Variants in NAALADL2 observed in about 807,000 individuals in gnomAD.
The protein encoded by NAALADL2 is N-acetylated alpha-linked acidic dipeptidase like 2, also known as inactive N-acetylated-alpha-linked acidic dipeptidase-like protein 2.
Under a neutral mutation model 87.2 loss-of-function variants are expected in NAALADL2, and 76 were observed. The ratio of observed to expected loss-of-function variants is 0.87; its 90% CI spans 0.72 to 1.05. The LOEUF is 1.05. NAALADL2 is among the 50% of genes least tolerant of loss of function. The pLI, the probability that NAALADL2 is intolerant of heterozygous loss-of-function variation, is 0.00. For synonymous variants in NAALADL2, 354 were observed against 331.0 expected, an observed-to-expected ratio of 1.07 and a Z score of -0.75; for missense variants, 1,089 against 945.8, an observed-to-expected ratio of 1.15 and a Z score of -1.99.
chr3:175,797,846 T>A (rs7429709), intron 13 of NAALADL2, among the ~76,000 whole-genome samples: 18,934 of 152,054 alleles, frequency 0.12, 1,351 homozygotes, highest in East Asian at 0.34. Context: ...ATTTGCATAT[T>A]AAAATGGTAT....
chr3:175,046,030 G>A (rs1015218656), intron 1 of NAALADL2, among the ~76,000 whole-genome samples: 1 of 150,956 alleles, frequency 6.6e-6, no homozygotes, highest in Non-Finnish European at 1.5e-5. Context: ...TTTTAATTTT[G>A]GAAATAATAT....
chr3:175,206,063 A>G (rs913908788), intron 2 of NAALADL2, among the ~76,000 whole-genome samples: 4 of 151,698 alleles, frequency 2.6e-5, no homozygotes, highest in African/African-American at 9.7e-5. Flanking sequence ...CTAACAGTAG[A>G]ACTACCATTT....
chr3:175,654,612 C>A (rs917878925), intron 11 of NAALADL2, among the ~76,000 whole-genome samples: 1 of 152,198 alleles, frequency 6.6e-6, no homozygotes, highest in African/African-American at 2.4e-5. Context: ...AGGTATTTCA[C>A]AAAAATCGCA....
rs140382766 is a variant in NAALADL2, at chr3:175,209,352, C to T, written c.546-24579C>T. ...TTCCGTCTATCCAATTACTGCCAAA[C>T]TAGTCAGGGAGAAGTACATTTCTTT... is the stretch of plus-strand genomic sequence containing the variant. On this transcript the variant is annotated intron_variant, in intron 2 of 13. Transcript: ENST00000454872. 4.7e-3 allele frequency among the ~76,000 whole-genome samples: 718 copies of T among 152,140 alleles called. 3 individuals are homozygous for T. Among genetic ancestry groups the T allele is most frequent in the African/African-American group, 0.015 (603 of 41,552 alleles).
At chr3:174,685,504 C>T (rs1002933952) in intron 2 of NAALADL2, among the ~76,000 whole-genome samples, 1 of 151,994 alleles carries the variant, frequency 6.6e-6, no homozygotes, top group Non-Finnish European at 1.5e-5. Context: ...CATGGAGCAG[C>T]TAGAGAAATT....
At chr3:175,588,534 CT>C (rs1168817019) in intron 10 of NAALADL2, among the ~76,000 whole-genome samples, 58 of 78,138 alleles carry the variant, frequency 7.4e-4, no homozygotes, top group South Asian at 1.4e-3. Context: ...TCTTTCTTTT[CT>C]TTTTTTTTTT....
chr3:175,129,132 A>C (rs1372902054), intron 2 of NAALADL2, among the ~76,000 whole-genome samples: 1 of 151,588 alleles, frequency 6.6e-6, no homozygotes, highest in Non-Finnish European at 1.5e-5. Flanking sequence ...ATTTTAATAG[A>C]GACAGGGTTT....
chr3:175,628,617 G>GTGTATATATA (rs775957344), intron 11 of NAALADL2, among the ~76,000 whole-genome samples: 2 of 139,202 alleles, frequency 1.4e-5, no homozygotes, highest in African/African-American at 5.2e-5. Context: ...CTCTCTCTAT[G>GTGTATATATA]TATATATATA....
intron 9 of NAALADL2, among the ~76,000 whole-genome samples, chr3:175,473,893 A>C (rs1358483256): frequency 6.6e-6 from 1 of 152,140 alleles, no homozygotes; most frequent in Non-Finnish European, 1.5e-5. Flanking sequence ...TAATTTGTTT[A>C]GATTTATTTT....
chr3:175,073,149 A>G (rs2109167230), intron 1 of NAALADL2, among the ~76,000 whole-genome samples: 1 of 152,062 alleles, frequency 6.6e-6, no homozygotes, highest in South Asian at 2.1e-4. Context: ...AAATGTATAA[A>G]TTGAATACCA....
rs528157906 is a variant in NAALADL2 at position 175,447,701 on chromosome 3, G to T, written c.1234+329G>T. Among the ~76,000 whole-genome samples the T allele has an allele frequency of 5.9e-5, 9 of 152,240 alleles. No individual in the cohort carries two copies. In the South Asian group the frequency reaches 1.5e-3, roughly 25 times the overall value. ...CGGTTTCAGCTTCAGCAGTCTCATT[G>T]CCTGCCAAGATTCAGTGGATAGCAG... On this transcript the variant is annotated intron_variant, in intron 6 of 13. Coordinates refer to ENST00000454872, the MANE Select transcript of NAALADL2 (RefSeq NM_207015.3).
intron 3 of NAALADL2, among the ~76,000 whole-genome samples, chr3:174,794,078 CA>C (rs1458267210): frequency 6.6e-6 from 1 of 151,986 alleles, no homozygotes; most frequent in Non-Finnish European, 1.5e-5. Context: ...GTCCAAGTTC[CA>C]AAGTAGCAAG....
chr3:174,495,635 G>A (rs1718483230), intron 1 of NAALADL2, among the ~76,000 whole-genome samples: 1 of 144,084 alleles, frequency 6.9e-6, no homozygotes, highest in Admixed American at 7.1e-5. Flanking sequence ...GAAGGGCAAT[G>A]TAAATGGACT....
chr3:175,201,296 A>C lies in NAALADL2; in HGVS notation c.546-32635A>C, dbSNP rs188055955. ...TGATGAAAACATGTCAGAGTTGATAAAAATTAAATTCTAATTGTATGTATG... is the reference window on the plus strand; with the variant it reads ...TGATGAAAACATGTCAGAGTTGATACAAATTAAATTCTAATTGTATGTATG... On this transcript the variant is annotated intron_variant, in intron 2 of 13. Transcript: ENST00000454872. Among the ~76,000 whole-genome samples, 4 of 152,296 alleles carry C rather than the reference A, an allele frequency of 2.6e-5. No homozygotes were observed. In the East Asian group the frequency reaches 7.7e-4, roughly 29 times the overall value.
At chr3:175,274,768 C>T (rs1264784688) in intron 4 of NAALADL2, among the ~76,000 whole-genome samples, 1 of 152,110 alleles carries the variant, frequency 6.6e-6, no homozygotes, top group African/African-American at 2.4e-5. Flanking sequence ...GGTGAGCTAC[C>T]TCTTCAAGAT....
chr3:174,583,415 A>G (rs1177666321), intron 2 of NAALADL2, among the ~76,000 whole-genome samples: 2 of 152,218 alleles, frequency 1.3e-5, no homozygotes, highest in Non-Finnish European at 2.9e-5. Context: ...TAGTTAACCC[A>G]AAAAGTAACA....
At chr3:175,438,685 A>C (rs1014175716) in intron 5 of NAALADL2, among the ~76,000 whole-genome samples, 170 of 152,196 alleles carry the variant, frequency 1.1e-3, no homozygotes, top group African/African-American at 3.9e-3. Context: ...GAAATGAAAA[A>C]TGTAAGTCAA....
chr3:175,310,292 C>G (rs186001694), intron 4 of NAALADL2, among the ~76,000 whole-genome samples: 161 of 152,070 alleles, frequency 1.1e-3, no homozygotes, highest in Middle Eastern at 3.5e-3. Flanking sequence ...CTATAAATTA[C>G]AAAGTCATTG....
chr3:175,604,886 A>G (rs151107796), intron 10 of NAALADL2, among the ~76,000 whole-genome samples: 26 of 152,292 alleles, frequency 1.7e-4, no homozygotes, highest in African/African-American at 6.3e-4. Context: ...GGCTACTGCA[A>G]TAGTCTAGGC....
Sources: allele counts gnomAD v4.1 joint callset (sites outside exome capture counted in the v4.1 genomes callset), GRCh38; gene constraint gnomAD v4.1.1; transcripts MANE v1.5; gene names NCBI Gene and HGNC (gene_info 2026-07-23, HGNC 2026-07-21).